The following SNTG1 variants were observed in gnomAD, a reference collection of about 807,000 sequenced individuals.
SNTG1 encodes syntrophin gamma 1.
SNTG1 carries 39 observed loss-of-function variants against 74.7 expected under a neutral mutation model. That is an observed-to-expected ratio of 0.52 (90% confidence interval 0.40 to 0.68). The LOEUF is 0.68. SNTG1 is among the 30% of genes least tolerant of loss of function. The probability of loss-of-function intolerance (pLI) is 0.00; values close to 1 mark genes in which losing one functional copy is unlikely to be tolerated. For missense variants in SNTG1, 685 were observed against 609.5 expected, an observed-to-expected ratio of 1.12 and a Z score of -1.30; for synonymous variants, 254 against 217.1, an observed-to-expected ratio of 1.17 and a Z score of -1.49.
chr8:49,947,814 T>C (rs945084272), intron 1 of SNTG1, among the ~76,000 whole-genome samples: 8 of 152,288 alleles, frequency 5.3e-5, no homozygotes, highest in Middle Eastern at 3.4e-3. Flanking sequence ...TTTGACTCTA[T>C]TAAGGCTCTG....
At chr8:50,492,309 A>G (rs2131889992) in intron 8 of SNTG1, among the ~76,000 whole-genome samples, 1 of 152,322 alleles carries the variant, frequency 6.6e-6, no homozygotes, top group South Asian at 2.1e-4. Context: ...AGGAATTGCC[A>G]CACTGTCTTC....
chr8:50,553,749 T>G (rs977960771), intron 12 of SNTG1, among the ~76,000 whole-genome samples: 5 of 152,210 alleles, frequency 3.3e-5, no homozygotes, highest in African/African-American at 9.6e-5. Context: ...CTCATTATTT[T>G]AACTCTTTAA....
chr8:50,639,826 G>T (rs145655022), intron 13 of SNTG1, among the ~76,000 whole-genome samples: 2 of 151,884 alleles, frequency 1.3e-5, no homozygotes, highest in East Asian at 3.9e-4. Context: ...ATTCTAATGG[G>T]TTTATTTTCT....
chr8:50,292,703 G>T (rs1010433797), intron 2 of SNTG1, among the ~76,000 whole-genome samples: 1 of 152,116 alleles, frequency 6.6e-6, no homozygotes. Context: ...GATGACCAGG[G>T]CATGGGAGAG....
At chr8:50,590,447 G>A (rs952018003) in intron 12 of SNTG1, among the ~76,000 whole-genome samples, 2 of 152,016 alleles carry the variant, frequency 1.3e-5, no homozygotes, top group Admixed American at 1.3e-4. Context: ...GACTGAAAAT[G>A]TTCAACACAC....
intron 1 of SNTG1, among the ~76,000 whole-genome samples, chr8:49,949,308 T>C (rs1785583575): frequency 6.6e-6 from 1 of 152,188 alleles, no homozygotes; most frequent in Admixed American, 6.5e-5. Context: ...AGCAAACTAT[T>C]CTATTTTATT....
At chr8:49,930,824 T>G (rs1395565608) in intron 1 of SNTG1, among the ~76,000 whole-genome samples, 1 of 152,104 alleles carries the variant, frequency 6.6e-6, no homozygotes, top group Non-Finnish European at 1.5e-5. Flanking sequence ...AATAAGATAT[T>G]AGTAAGAACA....
chr8:50,213,962 T>C (rs2084649080), intron 2 of SNTG1, among the ~76,000 whole-genome samples: 4 of 152,086 alleles, frequency 2.6e-5, no homozygotes, highest in African/African-American at 7.2e-5. Context: ...TTTTGGCTTT[T>C]GTTGCCATTG....
At chr8:50,668,928 C>G (rs923322723) in intron 15 of SNTG1, among the ~76,000 whole-genome samples, 1 of 151,976 alleles carries the variant, frequency 6.6e-6, no homozygotes, top group Non-Finnish European at 1.5e-5. Flanking sequence ...GTAAATAGTG[C>G]TGCAGTAAAC....
chr8:50,563,469 G>A (rs2094499281), intron 12 of SNTG1, among the ~76,000 whole-genome samples: 1 of 152,172 alleles, frequency 6.6e-6, no homozygotes, highest in Non-Finnish European at 1.5e-5. Flanking sequence ...TGGTCATGAG[G>A]AAACAGAGGT....
intron 2 of SNTG1, among the ~76,000 whole-genome samples, chr8:50,207,293 G>A (rs2084292430): frequency 6.6e-6 from 1 of 152,110 alleles, no homozygotes; most frequent in Non-Finnish European, 1.5e-5. Context: ...GTTTAGTCTT[G>A]GGAGGGTGTA....
chr8:50,327,470 T>C (rs1010559183), intron 2 of SNTG1, among the ~76,000 whole-genome samples: 1 of 152,170 alleles, frequency 6.6e-6, no homozygotes, highest in African/African-American at 2.4e-5. Context: ...GAAATAAGTC[T>C]TTCTACCCCA....
At chr8:50,222,947 G>C (rs141580600) in intron 2 of SNTG1, among the ~76,000 whole-genome samples, 4 of 152,074 alleles carry the variant, frequency 2.6e-5, no homozygotes, top group African/African-American at 7.2e-5. Flanking sequence ...ATAGGAGAAG[G>C]GGCAAGAAAA....
rs76248262 is a variant in SNTG1, at chr8:50,178,274, C to T, written c.-28+5639C>T. Among the ~76,000 whole-genome samples the T allele has an allele frequency of 1.0e-3, 153 of 152,186 alleles. 1 individual carries two copies. The East Asian group carries it at 0.025, about 24-fold the overall frequency. On this transcript the variant is annotated intron_variant, in intron 2 of 18. Coordinates refer to ENST00000642720, the MANE Select transcript of SNTG1 (RefSeq NM_018967.5). ...ATGTGGCAAAACCATTTGGCATTCT[C>T]TTTTTTGCCACTGCTGTCTTCTCCT...
chr8:50,127,132 G>A (rs2081168105), intron 1 of SNTG1, among the ~76,000 whole-genome samples: 1 of 152,058 alleles, frequency 6.6e-6, no homozygotes, highest in Non-Finnish European at 1.5e-5. Context: ...CTTTAAAACA[G>A]AAAGTAAAGG....
intron 13 of SNTG1, among the ~76,000 whole-genome samples, chr8:50,606,700 G>C (rs1212378873): frequency 6.6e-6 from 1 of 151,830 alleles, no homozygotes; most frequent in Admixed American, 6.6e-5. Context: ...TTAATAGCTA[G>C]ATGTTTTTCA....
intron 4 of SNTG1, among the ~76,000 whole-genome samples, chr8:50,434,799 G>A (rs1052766516): frequency 6.6e-6 from 1 of 152,074 alleles, no homozygotes; most frequent in Non-Finnish European, 1.5e-5. Flanking sequence ...TTGTCAAAAA[G>A]AACTATTAAC....
Position 50,389,364 on chromosome 8 carries a change from T to C in SNTG1, c.-27-4848T>C, listed in dbSNP as rs565130351. 2.1e-3 allele frequency among the ~76,000 whole-genome samples: 322 copies of C among 152,276 alleles called. 1 individual carries two copies. Among genetic ancestry groups the C allele is most frequent in the Non-Finnish European group, 3.8e-3 (261 of 68,012 alleles). On this transcript the variant is annotated intron_variant, in intron 2 of 18. Transcript: ENST00000642720. ...TATGTTTCTCACTGTCAGAGACTTA[T>C]CCAGTGGAAATACTTAATCGATTGT...
intron 18 of SNTG1, among the ~76,000 whole-genome samples, chr8:50,772,572 G>T (rs2095629841): frequency 1.3e-5 from 2 of 152,114 alleles, no homozygotes; most frequent in African/African-American, 4.8e-5. Flanking sequence ...TGCTGGAAAA[G>T]TTAAGACCTT....
Sources: allele counts gnomAD v4.1 joint callset (sites outside exome capture counted in the v4.1 genomes callset), GRCh38; gene constraint gnomAD v4.1.1; transcripts MANE v1.5; gene names NCBI Gene and HGNC (gene_info 2026-07-23, HGNC 2026-07-21).